Variants in PCDHGA10 observed in about 807,000 individuals in gnomAD.
The protein encoded by PCDHGA10 is protocadherin gamma-A10.
Under a neutral mutation model 59.5 loss-of-function variants are expected in PCDHGA10, and 42 were observed. That is an observed-to-expected ratio of 0.71 (90% CI 0.55 to 0.91). PCDHGA10 has a LOEUF of 0.91. Ranked by LOEUF, PCDHGA10 falls within the 40% of genes least tolerant of loss-of-function variation. The pLI, the probability that PCDHGA10 is intolerant of heterozygous loss-of-function variation, is 0.00. For synonymous variants in PCDHGA10, 511 were observed against 517.2 expected, an observed-to-expected ratio of 0.99 and a Z score of 0.16; for missense variants, 1,111 against 1,198.2, an observed-to-expected ratio of 0.93 and a Z score of 1.07.
At chr5:141,430,586 C>G in intron 1 of PCDHGA10, 1 of 517,248 alleles carries the variant, frequency 1.9e-6, no homozygotes, top group Non-Finnish European at 3.1e-6. Context: ...TCCTGCTCGC[C>G]TTGCACGCGC....
intron 1 of PCDHGA10, chr5:141,478,043 A>G (rs1399496347): frequency 7.4e-6 from 12 of 1,613,710 alleles, no homozygotes; most frequent in Non-Finnish European, 1.0e-5. Flanking sequence ...ACCCAGGCAG[A>G]CTCTCACGGT....
In PCDHGA10 at chr5:141,432,249, A is replaced by G; in HGVS notation, c.2436+16638A>G. The G allele has an allele frequency of 6.2e-7, 1 of 1,614,206 alleles. No individual in the cohort carries two copies. Among genetic ancestry groups the G allele is most frequent in the Non-Finnish European group, 8.5e-7 (1 of 1,180,044 alleles). On this transcript the variant is annotated intron_variant, in intron 1 of 3. Coordinates refer to ENST00000398610, the MANE Select transcript of PCDHGA10 (RefSeq NM_018913.3). The surrounding 1 kb of genome is among the most constrained non-coding windows in gnomAD (Gnocchi z 6.0). ...TATTCCCTGGCTGAGAACACCATCC[A>G]AGGGGCAAGCCTATCGTCCTACGTG...
At chr5:141,439,472 A>G (rs1185561573) in intron 1 of PCDHGA10, among the ~76,000 whole-genome samples, 3 of 152,228 alleles carry the variant, frequency 2.0e-5, no homozygotes, top group Non-Finnish European at 4.4e-5. Flanking sequence ...GCTGCCTTTC[A>G]GCTTGCAAAT....
chr5:141,425,943 C>A (rs2096904576), intron 1 of PCDHGA10, among the ~76,000 whole-genome samples: 1 of 152,220 alleles, frequency 6.6e-6, no homozygotes, highest in Non-Finnish European at 1.5e-5. Flanking sequence ...TGTCTAGTTT[C>A]CTATACATTA....
At chr5:141,468,822 A>C (rs867400152) in intron 1 of PCDHGA10, among the ~76,000 whole-genome samples, 4 of 151,874 alleles carry the variant, frequency 2.6e-5, no homozygotes, top group Middle Eastern at 3.4e-3. Context: ...GCCAAGATCA[A>C]GCCACTGCAC....
chr5:141,419,735 G>A (rs1013306543), intron 1 of PCDHGA10: 4 of 1,613,806 alleles, frequency 2.5e-6, no homozygotes, highest in Non-Finnish European at 3.4e-6. Flanking sequence ...AACAGGCGAG[G>A]TGCGCATGGT....
intron 1 of PCDHGA10, among the ~76,000 whole-genome samples, chr5:141,467,951 A>G (rs2099155044): frequency 6.6e-6 from 1 of 151,944 alleles, no homozygotes; most frequent in East Asian, 1.9e-4. Context: ...GAGCCACCAC[A>G]CCCGGCTGCC....
At chr5:141,427,693 C>G in intron 1 of PCDHGA10, 1 of 909,726 alleles carries the variant, frequency 1.1e-6, no homozygotes, top group Non-Finnish European at 1.8e-6. Flanking sequence ...GCCTCCATCC[C>G]ACAAGTCAGC....
At position 141,476,242 on chromosome 5, in the gene PCDHGA10, G is replaced by A. The variant is rs369923405; in HGVS notation, c.2437-18565G>A. The A allele has an allele frequency of 6.2e-6, 10 of 1,614,100 alleles. No individual in the cohort carries two copies. The highest frequency in any genetic ancestry group is 8.5e-6 in the Non-Finnish European group (10 of 1,180,026). The stretch of plus-strand genomic sequence containing the variant: ...ACTATGAGATCCCGGAGGAAAGAGA[G>A]AAGGGTTTCGCTGTGGGCAACGTGG... On this transcript the variant is annotated intron_variant, in intron 1 of 3. Transcript: ENST00000398610. This position sits in a 1 kb window ranked among gnomAD's most constrained non-coding sequence, Gnocchi z 7.6.
At chr5:141,419,405 G>T (rs1219399978) in intron 1 of PCDHGA10, 1 of 1,613,512 alleles carries the variant, frequency 6.2e-7, no homozygotes, top group South Asian at 1.1e-5. Context: ...GGTGGTGTTC[G>T]CGCAGCGCGC....
chr5:141,510,656 A>C (rs761093897), intron 3 of PCDHGA10, among the ~76,000 whole-genome samples: 4 of 152,304 alleles, frequency 2.6e-5, no homozygotes, highest in Non-Finnish European at 5.9e-5. Flanking sequence ...CCCATTTTGC[A>C]GATGAGAAAA....
At chr5:141,421,354 G>T in intron 1 of PCDHGA10, 2 of 1,613,980 alleles carry the variant, frequency 1.2e-6, no homozygotes, top group Non-Finnish European at 1.7e-6. Context: ...GACCGAAAAG[G>T]GCTCCTTCGT....
chr5:141,476,029 A>G lies in PCDHGA10; in HGVS notation c.2437-18778A>G, dbSNP rs975943706. The G allele has an allele frequency of 2.3e-5, 34 of 1,455,312 alleles. No homozygotes were observed. The highest frequency in any genetic ancestry group is 1.1e-4 in the African/African-American group (8 of 70,728). 90.1% of individuals were successfully genotyped at this position (1,455,312 alleles called of 1,614,324 possible). A position where few individuals can be genotyped will look rare whatever the true frequency, so the allele number is the denominator to read the frequency against. On this transcript the variant is annotated intron_variant, in intron 1 of 3. Transcript: ENST00000398610. The surrounding 1 kb of genome is among the most constrained non-coding windows in gnomAD (Gnocchi z 7.6). The stretch of plus-strand genomic sequence containing the variant: ...GAAAGCCATGTCGGACTCGGCGCCC[A>G]GCGCCCAAGCGCTAACCCGCTGAAA...
intron 1 of PCDHGA10, among the ~76,000 whole-genome samples, chr5:141,460,050 C>T (rs1477206197): frequency 6.6e-6 from 1 of 152,064 alleles, no homozygotes; most frequent in Non-Finnish European, 1.5e-5. Context: ...TGCACTCCAG[C>T]CTGGGCAACA....
intron 2 of PCDHGA10, among the ~76,000 whole-genome samples, chr5:141,500,893 A>G (rs1393294152): frequency 1.1e-5 from 1 of 94,848 alleles, no homozygotes; most frequent in Non-Finnish European, 2.0e-5. Context: ...TTTTTTTGAG[A>G]CAGTCTCGCT....
Position 141,493,359 on chromosome 5 carries a change from G to A in PCDHGA10, c.2437-1448G>A, listed in dbSNP as rs956980110. Among the ~76,000 whole-genome samples the A allele has an allele frequency of 2.6e-5, 4 of 152,148 alleles. No homozygotes were observed. The highest frequency in any genetic ancestry group is 9.7e-5 in the African/African-American group (4 of 41,418). ...CCAGAATGTGTGCTTTTAATTTCTT[G>A]GCACTTGGAACTTTAAAAGCTTGAG... On this transcript the variant is annotated intron_variant, in intron 1 of 3. Transcript: ENST00000398610. This position sits in a 1 kb window ranked among gnomAD's most constrained non-coding sequence, Gnocchi z 4.3.
chr5:141,436,590 C>T (rs1050788291), intron 1 of PCDHGA10, among the ~76,000 whole-genome samples: 10 of 152,102 alleles, frequency 6.6e-5, no homozygotes, highest in East Asian at 1.9e-4. Context: ...TTTGAAAGGT[C>T]GTGGTGATGG....
rs568542355 is a variant in PCDHGA10, at chr5:141,431,678, T to C, written c.2436+16067T>C. 4 of 1,614,084 alleles carry C rather than the reference T, an allele frequency of 2.5e-6. No individual in the cohort carries two copies. Among genetic ancestry groups the C allele is most frequent in the African/African-American group, 2.7e-5 (2 of 75,012 alleles). ...AGGGACAATATCAACAATAGGGGAG[T>C]TGGACCACGAGGAGTCAGGATTCTA... On this transcript the variant is annotated intron_variant, in intron 1 of 3. Transcript: ENST00000398610. The surrounding 1 kb of genome is among the most constrained non-coding windows in gnomAD (Gnocchi z 4.8).
intron 1 of PCDHGA10, among the ~76,000 whole-genome samples, chr5:141,469,311 T>C (rs970450899): frequency 3.3e-5 from 5 of 152,040 alleles, no homozygotes; most frequent in Admixed American, 3.3e-4. Context: ...GCACGATGGC[T>C]CACGCCTGTA....
Sources: gnomAD v4.1 joint callset for allele counts (sites outside exome capture counted in the v4.1 genomes callset) on GRCh38, gnomAD v4.1.1 for gene constraint, Gnocchi (gnomAD v3.1) non-coding constraint, MANE v1.5 for transcripts, NCBI Gene and HGNC (gene_info 2026-07-23, HGNC 2026-07-21) for gene names.